The following TANC2 variants were observed in gnomAD, a reference collection of about 807,000 sequenced individuals.
TANC2 encodes the protein tetratricopeptide repeat, ankyrin repeat and coiled-coil containing 2, also known as protein TANC2.
A neutral mutation model predicts 210.5 loss-of-function variants in TANC2; 26 were observed. That is an observed-to-expected ratio of 0.12 (90% CI 0.09 to 0.17). TANC2 has a LOEUF of 0.17. TANC2 is among the 10% of genes least tolerant of loss of function. The pLI, the probability that TANC2 is intolerant of heterozygous loss-of-function variation, is 1.00. For synonymous variants in TANC2, 931 were observed against 967.1 expected (o/e 0.96, Z 0.69); for missense variants, 2,129 against 2,608.9 (o/e 0.82, Z 4.01).
intron 1 of TANC2, among the ~76,000 whole-genome samples, chr17:62,971,794 A>G (rs2031710966): frequency 6.6e-6 from 1 of 152,162 alleles, no homozygotes; most frequent in South Asian, 2.1e-4. Flanking sequence ...TAGGAGCTTG[A>G]ACCCTATTGT....
At chr17:63,410,680 G>A (rs1235216715) in intron 21 of TANC2, among the ~76,000 whole-genome samples, 6 of 151,780 alleles carry the variant, frequency 4.0e-5, no homozygotes, top group Non-Finnish European at 8.8e-5. Context: ...TGGCCAACAT[G>A]GTGAACCCCA....
chr17:63,170,471 C>T (rs952080393), intron 5 of TANC2, among the ~76,000 whole-genome samples: 9 of 150,946 alleles, frequency 6.0e-5, no homozygotes, highest in African/African-American at 1.9e-4. Context: ...TTATTTTGTT[C>T]AGTTGTTATT....
At chr17:63,364,580 A>G (rs941576443) in intron 14 of TANC2, among the ~76,000 whole-genome samples, 1 of 152,210 alleles carries the variant, frequency 6.6e-6, no homozygotes, top group Non-Finnish European at 1.5e-5. Context: ...CAAAAGGCCC[A>G]GAAGTGATGA....
exon 7 of TANC2, chr17:63,200,891 G>A (rs375435674): frequency 1.9e-6 from 3 of 1,613,652 alleles, no homozygotes; most frequent in African/African-American, 2.7e-5. Context: ...AACTGCCAAG[G>A]ACTGCAGCTA....
At chr17:63,181,917 C>T (rs1217661160) in intron 5 of TANC2, among the ~76,000 whole-genome samples, 1 of 152,188 alleles carries the variant, frequency 6.6e-6, no homozygotes, top group Non-Finnish European at 1.5e-5. Context: ...TCACTACCAC[C>T]CTTATTTTGA....
At position 63,114,046 on chromosome 17, in the gene TANC2, T is replaced by C. The variant is rs530667489; in HGVS notation, c.322+14689T>C. 2.6e-5 allele frequency among the ~76,000 whole-genome samples: 4 copies of C among 152,326 alleles called. No homozygotes were observed. The South Asian group carries it at 8.3e-4, about 32-fold the overall frequency. ...CTTTAGATTAATGAAGTAAGTAAAGTGAGAGAAAGGAGATTTGATATGTGT... is the reference window on the plus strand; with the variant it reads ...CTTTAGATTAATGAAGTAAGTAAAGCGAGAGAAAGGAGATTTGATATGTGT... On this transcript the variant is annotated intron_variant, in intron 4 of 27. Transcript: ENST00000689528.
In TANC2 at chr17:63,421,274, G is replaced by T; in HGVS notation, c.5544G>T (p.Pro1848=). Residue 1848 remains proline, a synonymous_variant, in exon 28 of 28, where the codon CCG becomes CCT. Transcript: ENST00000689528. The surrounding 1 kb of genome is among the most constrained non-coding windows in gnomAD (Gnocchi z 6.9). Reference sequence around the variant, plus strand: ...GTGTCAACCCTAACGAAATCAAACCGCACCCGCCAACTCCCAGGCCGTTGC... The same window carrying T: ...GTGTCAACCCTAACGAAATCAAACCTCACCCGCCAACTCCCAGGCCGTTGC... The T allele has an allele frequency of 6.2e-7, 1 of 1,613,922 alleles. No homozygotes were observed. Among genetic ancestry groups the T allele is most frequent in the South Asian group, 1.1e-5 (1 of 91,076 alleles).
chr17:63,358,352 TGAGAGA>T (rs5821386), intron 14 of TANC2, among the ~76,000 whole-genome samples: 54 of 137,998 alleles, frequency 3.9e-4, no homozygotes, highest in East Asian at 2.4e-3. Flanking sequence ...GTGAGTAGAG[TGAGAGA>T]GAGAGAGAGA....
intron 3 of TANC2, among the ~76,000 whole-genome samples, chr17:63,091,509 T>A (rs556723685): frequency 4.5e-4 from 68 of 152,292 alleles, no homozygotes; most frequent in Non-Finnish European, 8.5e-4. Context: ...TTGTCAAAGA[T>A]CAGATGGTTG....
At chr17:63,109,926 A>G (rs1291178589) in intron 4 of TANC2, among the ~76,000 whole-genome samples, 4 of 151,712 alleles carry the variant, frequency 2.6e-5, no homozygotes, top group African/African-American at 9.8e-5. Flanking sequence ...AGTCTTTTAT[A>G]TCCTGGAAAG....
intron 24 of TANC2, chr17:63,413,041 C>G (rs1247196665): frequency 3.2e-5 from 10 of 315,416 alleles, no homozygotes; most frequent in Non-Finnish European, 5.7e-5. Flanking sequence ...CAAAGTGAAT[C>G]CCGGGGAGTC....
intron 5 of TANC2, among the ~76,000 whole-genome samples, chr17:63,167,030 A>C (rs2040233744): frequency 6.6e-6 from 1 of 152,200 alleles, no homozygotes; most frequent in South Asian, 2.1e-4. Context: ...TGAATGGAGA[A>C]AGAAAGCATT....
In TANC2 at chr17:63,389,290, CTGTT is replaced by C. The variant is rs2047886393; in HGVS notation, c.2815-12_2815-9del. On this transcript the variant is annotated splice_polypyrimidine_tract_variant and intron_variant, in intron 16 of 27. Coordinates refer to ENST00000689528, the Ensembl canonical transcript of TANC2. ...ACTCCTGTTTGTCTAATTATTAGTT[CTGTT>C]TGTTTATTTCTAGGTCAGCCGACTG... 2 of 1,587,240 alleles carry C rather than the reference CTGTT, an allele frequency of 1.3e-6. No individual in the cohort carries two copies. Among genetic ancestry groups the C allele is most frequent in the South Asian group, 1.1e-5 (1 of 89,604 alleles).
intron 8 of TANC2, 77 bp from the exon 9 acceptor site, chr17:63,267,671 A>C: frequency 6.7e-7 from 1 of 1,492,508 alleles, no homozygotes; most frequent in Non-Finnish European, 9.0e-7. Flanking sequence ...CCTGATTCCA[A>C]AGTTCCGGAG....
intron 3 of TANC2, among the ~76,000 whole-genome samples, chr17:63,091,988 T>G (rs915581550): frequency 6.6e-6 from 1 of 152,036 alleles, no homozygotes; most frequent in African/African-American, 2.4e-5. Flanking sequence ...TGAATGGGAG[T>G]TCACTCATGA....
intron 4 of TANC2, among the ~76,000 whole-genome samples, chr17:63,141,685 A>G (rs2039298970): frequency 6.6e-6 from 1 of 152,048 alleles, no homozygotes; most frequent in African/African-American, 2.4e-5. Context: ...GTTTTGCATC[A>G]CTAACTAAAA....
intron 8 of TANC2, among the ~76,000 whole-genome samples, chr17:63,241,289 G>A (rs913225812): frequency 6.6e-6 from 1 of 152,034 alleles, no homozygotes; most frequent in African/African-American, 2.4e-5. Flanking sequence ...CTTTAATAAT[G>A]GAATGTATAA....
At chr17:63,247,687 A>AG (rs1335851786) in intron 8 of TANC2, among the ~76,000 whole-genome samples, 2 of 152,122 alleles carry the variant, frequency 1.3e-5, no homozygotes, top group Non-Finnish European at 2.9e-5. Flanking sequence ...CCTTAAAGGA[A>AG]GGGTAAAAGG....
At chr17:63,111,610 C>T (rs112131684) in intron 4 of TANC2, among the ~76,000 whole-genome samples, 5 of 152,148 alleles carry the variant, frequency 3.3e-5, no homozygotes, top group African/African-American at 1.2e-4. Flanking sequence ...ATTATTTCCC[C>T]CTCTCTTTGT....
Sources: allele counts gnomAD v4.1 joint callset (sites outside exome capture counted in the v4.1 genomes callset), GRCh38; gene constraint gnomAD v4.1.1; non-coding constraint Gnocchi (gnomAD v3.1); transcripts MANE v1.5; gene names NCBI Gene and HGNC (gene_info 2026-07-23, HGNC 2026-07-21).